Variants in FBN1 observed in about 807,000 individuals in gnomAD.
The protein encoded by FBN1 is fibrillin-1.
FBN1 carries 29 observed loss-of-function variants against 365.1 expected under a neutral mutation model. The observed-to-expected ratio is 0.08, with a 90% confidence interval of 0.06 to 0.11. The LOEUF (loss-of-function observed/expected upper bound fraction) is 0.11, where lower values mean the gene tolerates loss of function less well. FBN1 is among the 10% of genes least tolerant of loss of function. The pLI, the probability that FBN1 is intolerant of heterozygous loss-of-function variation, is 1.00. For missense variants in FBN1, 2,476 were observed against 3,703.2 expected, an observed-to-expected ratio of 0.67 and a Z score of 8.60; for synonymous variants, 1,210 against 1,270.5, an observed-to-expected ratio of 0.95 and a Z score of 1.01.
chr15:48,594,332 C>A (rs62011436), intron 6 of FBN1, among the ~76,000 whole-genome samples: 14 of 152,162 alleles, frequency 9.2e-5, no homozygotes, highest in Admixed American at 7.9e-4. Flanking sequence ...AACGGGCAAG[C>A]CTGCCTTCTG....
At chr15:48,447,245 G>A (rs1289289618) in intron 46 of FBN1, among the ~76,000 whole-genome samples, 1 of 152,078 alleles carries the variant, frequency 6.6e-6, no homozygotes, top group African/African-American at 2.4e-5. Flanking sequence ...CCAAAAAGCA[G>A]TGACTCACCT....
intron 23 of FBN1, among the ~76,000 whole-genome samples, 192 bp downstream of exon 23, chr15:48,494,012 C>A (rs1252145855): frequency 6.6e-6 from 1 of 152,206 alleles, no homozygotes; most frequent in Non-Finnish European, 1.5e-5. Context: ...TTGGACATAG[C>A]GTTCTGACAC....
At chr15:48,609,599 C>T (rs1258781123) in intron 4 of FBN1, among the ~76,000 whole-genome samples, 1 of 152,184 alleles carries the variant, frequency 6.6e-6, no homozygotes, top group East Asian at 1.9e-4. Context: ...AACTGAGAGG[C>T]AAGGAAGCTG....
At chr15:48,469,218 G>C (rs1026966653) in intron 36 of FBN1, among the ~76,000 whole-genome samples, 2 of 134,700 alleles carry the variant, frequency 1.5e-5, no homozygotes, top group African/African-American at 5.8e-5. Context: ...TTGTGACCTC[G>C]GTCAACCAAA....
rs764898769 is a variant in FBN1, at chr15:48,412,566, C to T, written c.8226+3G>A. On this transcript the variant is annotated splice_donor_region_variant and intron_variant, in intron 65 of 65. Transcript: ENST00000316623. The stretch of plus-strand genomic sequence containing the variant: ...CATCAGGAGAAACTAACTTCTGACC[C>T]ACCTCGATATTGGAGGCATCAGTTT... 6.2e-7 allele frequency: 1 copy of T among 1,613,874 alleles called. No homozygotes were observed. The highest frequency in any genetic ancestry group is 8.5e-7 in the Non-Finnish European group (1 of 1,179,874).
chr15:48,585,611 T>C (rs1172064775), intron 6 of FBN1, among the ~76,000 whole-genome samples: 2 of 152,242 alleles, frequency 1.3e-5, no homozygotes, highest in Non-Finnish European at 2.9e-5. Flanking sequence ...AATCAACAAA[T>C]ATTTAATAGA....
chr15:48,585,385 T>C (rs902231201), intron 6 of FBN1, among the ~76,000 whole-genome samples: 2 of 152,268 alleles, frequency 1.3e-5, no homozygotes, highest in South Asian at 2.1e-4. Flanking sequence ...CGAGGGAATA[T>C]GGCAGGAAAG....
At chr15:48,591,658 T>C (rs1394825501) in intron 6 of FBN1, among the ~76,000 whole-genome samples, 1 of 152,244 alleles carries the variant, frequency 6.6e-6, no homozygotes, top group Non-Finnish European at 1.5e-5. Flanking sequence ...ACTTCCATTC[T>C]AAGATTCATA....
chr15:48,602,968 A>G (rs1480563671), intron 4 of FBN1, among the ~76,000 whole-genome samples: 2 of 152,228 alleles, frequency 1.3e-5, no homozygotes, highest in Admixed American at 6.5e-5. Context: ...CAATTAAAGC[A>G]GTTCATGCCA....
chr15:48,596,247 G>T (rs1387549654), intron 6 of FBN1, 36 bp downstream of exon 6: 2 of 1,571,388 alleles, frequency 1.3e-6, no homozygotes, highest in African/African-American at 1.3e-5. Context: ...TTAGGTACCA[G>T]CATGTCTTTA....
intron 6 of FBN1, among the ~76,000 whole-genome samples, chr15:48,576,170 A>T (rs563459565): frequency 6.6e-6 from 1 of 152,258 alleles, no homozygotes; most frequent in East Asian, 1.9e-4. Context: ...TCCAAACTCC[A>T]TCTGCTCCCA....
At chr15:48,469,940 G>C (rs1165946799) in intron 36 of FBN1, among the ~76,000 whole-genome samples, 1 of 152,080 alleles carries the variant, frequency 6.6e-6, no homozygotes, top group Non-Finnish European at 1.5e-5. Context: ...GGTTTGTTTA[G>C]GTGGTTGAAA....
chr15:48,468,299 T>C (rs987199215), intron 37 of FBN1, 113 bp downstream of exon 37: 1 of 1,428,992 alleles, frequency 7.0e-7, no homozygotes, highest in African/African-American at 1.4e-5. Flanking sequence ...AGTTAGGAAA[T>C]GTTTAAATTT....
chr15:48,414,818 C>T (rs1472583285), intron 64 of FBN1, among the ~76,000 whole-genome samples: 1 of 150,808 alleles, frequency 6.6e-6, no homozygotes, highest in Non-Finnish European at 1.5e-5. Flanking sequence ...ATCGCGTGAA[C>T]CCGGGAGGCA....
At chr15:48,601,879 G>A (rs961133267) in intron 4 of FBN1, among the ~76,000 whole-genome samples, 1 of 152,156 alleles carries the variant, frequency 6.6e-6, no homozygotes, top group Admixed American at 6.5e-5. Flanking sequence ...TACTGAACTA[G>A]AGCCACCTCC....
chr15:48,620,338 A>C (rs1889743309), intron 2 of FBN1, among the ~76,000 whole-genome samples: 1 of 152,308 alleles, frequency 6.6e-6, no homozygotes, highest in Admixed American at 6.5e-5. Context: ...AATAATCACT[A>C]TATTAATCAT....
intron 6 of FBN1, among the ~76,000 whole-genome samples, chr15:48,566,703 G>A (rs2044260828): frequency 6.6e-6 from 1 of 152,128 alleles, no homozygotes; most frequent in South Asian, 2.1e-4. Flanking sequence ...ATCTGGAAAG[G>A]ACTTCAGAGA....
chr15:48,497,023 T>C (rs2043613818), intron 19 of FBN1, among the ~76,000 whole-genome samples: 1 of 150,832 alleles, frequency 6.6e-6, no homozygotes, highest in East Asian at 1.9e-4. Context: ...ATCTGATACA[T>C]CATTATTTTA....
chr15:48,529,381 C>T (rs938793387), intron 8 of FBN1: 3 of 152,478 alleles, frequency 2.0e-5, no homozygotes, highest in Non-Finnish European at 4.4e-5. Flanking sequence ...CCTTCCCATC[C>T]TTCAGTCTCA....
Sources: allele counts gnomAD v4.1 joint callset (sites outside exome capture counted in the v4.1 genomes callset), GRCh38; gene constraint gnomAD v4.1.1; transcripts MANE v1.5; gene names NCBI Gene and HGNC (gene_info 2026-07-23, HGNC 2026-07-21).